BCL9: variants seen among roughly 807,000 people sequenced by gnomAD.
The protein encoded by BCL9 is B-cell CLL/lymphoma 9 protein.
Under a neutral mutation model 88.5 loss-of-function variants are expected in BCL9, and 25 were observed. The observed-to-expected ratio is 0.28, with a 90% CI of 0.21 to 0.39. BCL9 has a LOEUF of 0.39. Ranked by LOEUF, BCL9 falls within the 10% of genes least tolerant of loss-of-function variation. The probability of loss-of-function intolerance (pLI) is 1.00; values close to 1 mark genes in which losing one functional copy is unlikely to be tolerated. For synonymous variants in BCL9, 711 were observed against 673.3 expected, an observed-to-expected ratio of 1.06 and a Z score of -0.87; for missense variants, 1,817 against 1,877.8, an observed-to-expected ratio of 0.97 and a Z score of 0.60.
intron 1 of BCL9, among the ~76,000 whole-genome samples, chr1:147,599,254 G>T (rs1198188699): frequency 6.6e-6 from 1 of 152,226 alleles, no homozygotes; most frequent in African/African-American, 2.4e-5. Flanking sequence ...GCTCTCCTGC[G>T]AGGGGAGAAA....
intron 3 of BCL9, among the ~76,000 whole-genome samples, chr1:147,610,404 C>T (rs1657934899): frequency 6.6e-6 from 1 of 152,148 alleles, no homozygotes; most frequent in South Asian, 2.1e-4. Context: ...ATAGCTGAGA[C>T]TATTGCAGAT....
chr1:147,564,728 G>T (rs587654805), intron 1 of BCL9, among the ~76,000 whole-genome samples: 2 of 152,088 alleles, frequency 1.3e-5, no homozygotes, highest in Admixed American at 1.3e-4. Flanking sequence ...AGGTCTAAAA[G>T]AATAAATGTG....
At chr1:147,541,781 T>A (rs1654331602) in intron 1 of BCL9, 107 bp downstream of exon 1, 1 of 152,216 alleles carries the variant, frequency 6.6e-6, no homozygotes, top group Non-Finnish European at 1.5e-5. Context: ...GGTCCTGCGA[T>A]TGGAGCTCCT....
intron 1 of BCL9, among the ~76,000 whole-genome samples, chr1:147,572,025 G>A (rs1242243968): frequency 6.6e-6 from 1 of 151,954 alleles, no homozygotes; most frequent in African/African-American, 2.4e-5. Context: ...GGATCATGAG[G>A]TCAGGAGATC....
At chr1:147,570,443 G>C (rs911780468) in intron 1 of BCL9, among the ~76,000 whole-genome samples, 3 of 152,150 alleles carry the variant, frequency 2.0e-5, no homozygotes, top group African/African-American at 7.2e-5. Flanking sequence ...GAAGCCATTT[G>C]TGACCTTGGC....
chr1:147,549,215 G>A lies in BCL9; in HGVS notation c.-478+7541G>A, dbSNP rs191938278. The stretch of plus-strand genomic sequence containing the variant: ...TGGTCTTGAACTCCTGACCTCAAGC[G>A]ATCCACCCACCTCAACCTCCCAAAG... On this transcript the variant is annotated intron_variant, in intron 1 of 9. Coordinates refer to ENST00000234739, the MANE Select transcript of BCL9 (RefSeq NM_004326.4). Among the ~76,000 whole-genome samples, 125 of 151,980 alleles carry A rather than the reference G, an allele frequency of 8.2e-4. 3 individuals carry two copies. The South Asian group carries it at 9.8e-3, about 12-fold the overall frequency.
intron 5 of BCL9, among the ~76,000 whole-genome samples, chr1:147,613,405 A>T (rs1553203089): frequency 6.6e-6 from 1 of 152,178 alleles, no homozygotes; most frequent in Non-Finnish European, 1.5e-5. Flanking sequence ...CTAGTTGAGG[A>T]GTTCTTGCCC....
At chr1:147,572,642 C>T (rs587598250) in intron 1 of BCL9, among the ~76,000 whole-genome samples, 7 of 152,220 alleles carry the variant, frequency 4.6e-5, no homozygotes, top group Non-Finnish European at 1.0e-4. Flanking sequence ...TGCAGTGGCA[C>T]GATATTGGCT....
At chr1:147,592,320 C>T (rs587707160) in intron 1 of BCL9, among the ~76,000 whole-genome samples, 62 of 152,310 alleles carry the variant, frequency 4.1e-4, no homozygotes, top group Non-Finnish European at 7.9e-4. Context: ...ATCTCAACCA[C>T]TTTTTGCAAT....
chr1:147,603,760 C>T (rs1241337485), intron 1 of BCL9, among the ~76,000 whole-genome samples: 4 of 152,076 alleles, frequency 2.6e-5, no homozygotes, highest in South Asian at 2.1e-4. Context: ...CTGCCTGCCT[C>T]ATCCTCCCAA....
At position 147,614,550 on chromosome 1, in the gene BCL9, A is replaced by G. The variant is rs373079391; in HGVS notation, c.494A>G (p.Glu165Gly). The change falls in exon 6 of 10, where the codon GAG becomes GGG. Residue 165 changes from glutamate (E) to glycine (G), a missense_variant. Glu to Gly is a moderately conservative substitution (Grantham distance 98). This residue lies in a region of BCL9 where 1,228 missense variants were observed against 1,191.6 expected (regional missense o/e 1.03). Coordinates refer to ENST00000234739, the MANE Select transcript of BCL9 (RefSeq NM_004326.4). ...TPSHGQTTAT[E>G]PTPAQKTPAK... Reference sequence around the variant, plus strand: ...TCCCATGGCCAAACTACTGCCACAGAGCCCACACCTGCTCAGAAGACTCCA... The same window carrying G: ...TCCCATGGCCAAACTACTGCCACAGGGCCCACACCTGCTCAGAAGACTCCA... 1.2e-6 allele frequency: 2 copies of G among 1,613,836 alleles called. No individual in the cohort carries two copies. Among genetic ancestry groups the G allele is most frequent in the Non-Finnish European group, 1.7e-6 (2 of 1,180,000 alleles).
At position 147,562,095 on chromosome 1, in the gene BCL9, G is replaced by A. The variant is rs587618630; in HGVS notation, c.-478+20421G>A. ...TGTAATCCCAGCACTTTAGGAGGCC[G>A]AGGCGGGCGGATCACCTGAGGTCGG... is the stretch of plus-strand genomic sequence containing the variant. On this transcript the variant is annotated intron_variant, in intron 1 of 9. Coordinates refer to ENST00000234739, the MANE Select transcript of BCL9 (RefSeq NM_004326.4). Among the ~76,000 whole-genome samples, 285 of 152,236 alleles carry A rather than the reference G, an allele frequency of 1.9e-3. 2 individuals carry two copies. The highest frequency in any genetic ancestry group is 6.7e-3 in the African/African-American group (277 of 41,540).
At position 147,545,435 on chromosome 1, in the gene BCL9, G is replaced by T. The variant is rs961306997; in HGVS notation, c.-478+3761G>T. 5.9e-5 allele frequency among the ~76,000 whole-genome samples: 9 copies of T among 152,318 alleles called. No homozygotes were observed. In the Middle Eastern group the frequency reaches 0.01, roughly 173 times the overall value. ...AGAAGAGGAGTAATCCAAGTGGGGAGTTGAGGAGTGAGTAAAACGAGGATC... is the reference window on the plus strand; with the variant it reads ...AGAAGAGGAGTAATCCAAGTGGGGATTTGAGGAGTGAGTAAAACGAGGATC... On this transcript the variant is annotated intron_variant, in intron 1 of 9. Coordinates refer to ENST00000234739, the MANE Select transcript of BCL9 (RefSeq NM_004326.4).
At chr1:147,599,784 G>A (rs1320253812) in intron 1 of BCL9, among the ~76,000 whole-genome samples, 1 of 151,836 alleles carries the variant, frequency 6.6e-6, no homozygotes, top group Non-Finnish European at 1.5e-5. Context: ...CGGGGGCGGG[G>A]CGGCGGGAGG....
intron 1 of BCL9, among the ~76,000 whole-genome samples, chr1:147,572,411 T>C (rs587733843): frequency 6.6e-6 from 1 of 152,306 alleles, no homozygotes; most frequent in South Asian, 2.1e-4. Context: ...AAGTGACCAA[T>C]GTGTTTCCAT....
intron 1 of BCL9, among the ~76,000 whole-genome samples, chr1:147,556,365 C>T (rs587605884): frequency 5.9e-5 from 9 of 151,708 alleles, no homozygotes; most frequent in Non-Finnish European, 7.4e-5. Flanking sequence ...ACCTCATGAT[C>T]TGCCTGCCTC....
intron 1 of BCL9, among the ~76,000 whole-genome samples, chr1:147,542,679 C>T (rs1355241974): frequency 7.2e-6 from 1 of 139,140 alleles, no homozygotes; most frequent in Admixed American, 7.2e-5. Context: ...TCCTTTTTCT[C>T]TTGTGTCTTT....
chr1:147,565,268 G>C (rs1655550215), intron 1 of BCL9, among the ~76,000 whole-genome samples: 1 of 152,158 alleles, frequency 6.6e-6, no homozygotes, highest in African/African-American at 2.4e-5. Flanking sequence ...TAAGCTCAAA[G>C]AGGCAAAATC....
Position 147,613,094 on chromosome 1 carries a change from G to C in BCL9, c.265G>C (p.Ala89Pro). The C allele has an allele frequency of 6.2e-7, 1 of 1,614,178 alleles. No homozygotes were observed. Among genetic ancestry groups the C allele is most frequent in the Non-Finnish European group, 8.5e-7 (1 of 1,180,020 alleles). ...PGGSMGLKNGAGNGAKGKGKR... is the reference protein window; with the variant it reads ...PGGSMGLKNGPGNGAKGKGKR... ...TGGGAGCATGGGGCTGAAGAATGGG[G>C]CTGGAAATGGTGCCAAGGGCAAGGG... is the stretch of plus-strand genomic sequence containing the variant. Residue 89 changes from alanine to proline, a missense_variant, in exon 5 of 10, where the codon GCT becomes CCT. Around this residue, in one of 2 missense-constraint regions of BCL9, gnomAD observed 1,228 missense variants for 1,191.6 expected, o/e 1.03. Transcript: ENST00000234739.
Sources: gnomAD v4.1 joint callset for allele counts (sites outside exome capture counted in the v4.1 genomes callset) on GRCh38, gnomAD v4.1.1 for gene constraint, gnomAD v4.1.1 regional missense constraint, MANE v1.5 for transcripts, NCBI Gene and HGNC (gene_info 2026-07-23, HGNC 2026-07-21) for gene names.